The following FER variants were observed in gnomAD, a reference collection of about 807,000 sequenced individuals.
The protein encoded by FER is FER tyrosine kinase.
In FER, 63 loss-of-function variants were observed where a neutral mutation model predicts 111.0. The observed-to-expected ratio is 0.57, with a 90% CI of 0.46 to 0.70. The LOEUF (loss-of-function observed/expected upper bound fraction) is 0.70. Among genes scored for constraint, FER ranks in the 30% least tolerant of loss-of-function variants. FER has a pLI of 0.00. For missense variants in FER, 914 were observed against 954.0 expected (o/e 0.96, Z 0.55); for synonymous variants, 327 against 313.9 (o/e 1.04, Z -0.44).
rs77559358 is a variant in FER at position 108,950,815 on chromosome 5, T to C, written c.1330-3914T>C. Among the ~76,000 whole-genome samples, 5 of 152,266 alleles carry C rather than the reference T, an allele frequency of 3.3e-5. No homozygotes were observed. The East Asian group carries it at 9.7e-4, about 29-fold the overall frequency. ...TAAAATACACTTTCCTACCTATGAT[T>C]ACATTTCCCTTTCACTGCAAATAAT... On this transcript the variant is annotated intron_variant, in intron 11 of 19. Coordinates refer to ENST00000281092, the MANE Select transcript of FER (RefSeq NM_005246.4).
At chr5:109,013,685 C>T (rs1449766848) in intron 13 of FER, among the ~76,000 whole-genome samples, 2 of 151,980 alleles carry the variant, frequency 1.3e-5, no homozygotes, top group African/African-American at 2.4e-5. Context: ...AACTAGTTTA[C>T]AGTCCCACCA....
chr5:109,154,562 C>T lies in FER; in HGVS notation c.2049-26185C>T, dbSNP rs74378440. 3.9e-3 allele frequency among the ~76,000 whole-genome samples: 586 copies of T among 151,904 alleles called. 3 individuals are homozygous for T. Among genetic ancestry groups the T allele is most frequent in the African/African-American group, 0.013 (552 of 41,524 alleles). On this transcript the variant is annotated intron_variant, in intron 17 of 19. Transcript: ENST00000281092. ...AAGAAAAAACTCACATCTTATAGCC[C>T]TTAACTATTAACATTTAGATAAAGA...
At chr5:108,976,487 G>T (rs1761357778) in intron 13 of FER, among the ~76,000 whole-genome samples, 1 of 151,980 alleles carries the variant, frequency 6.6e-6, no homozygotes, top group East Asian at 1.9e-4. Context: ...TAGCCACCCT[G>T]TTAGAATGCA....
intron 9 of FER, among the ~76,000 whole-genome samples, chr5:108,893,989 C>T (rs62360826): frequency 1.3e-5 from 2 of 148,374 alleles, no homozygotes; most frequent in East Asian, 3.9e-4. Flanking sequence ...TTTTTTTCCC[C>T]TGCATCATAA....
intron 4 of FER, among the ~76,000 whole-genome samples, chr5:108,833,353 GTC>G (rs1441231574): frequency 6.6e-6 from 1 of 152,122 alleles, no homozygotes; most frequent in Non-Finnish European, 1.5e-5. Context: ...TTCGGAGTCT[GTC>G]TCTTCTGAAT....
chr5:109,097,490 C>T (rs572584668), intron 16 of FER, among the ~76,000 whole-genome samples: 1 of 151,980 alleles, frequency 6.6e-6, no homozygotes, highest in African/African-American at 2.4e-5. Context: ...TATCCATATG[C>T]ATATATACCT....
chr5:109,029,245 C>CTTTT (rs367692424), intron 13 of FER, among the ~76,000 whole-genome samples: 2 of 125,914 alleles, frequency 1.6e-5, no homozygotes, highest in African/African-American at 3.0e-5. Flanking sequence ...TTCTTCTTAC[C>CTTTT]TTTTTTTTTT....
At chr5:108,848,774 A>G (rs1762268940) in intron 5 of FER, among the ~76,000 whole-genome samples, 1 of 151,800 alleles carries the variant, frequency 6.6e-6, no homozygotes, top group Non-Finnish European at 1.5e-5. Context: ...TTCTTTATTT[A>G]TTTATCTATG....
intron 17 of FER, among the ~76,000 whole-genome samples, chr5:109,121,687 A>T (rs1271923513): frequency 1.3e-5 from 2 of 151,902 alleles, no homozygotes; most frequent in African/African-American, 2.4e-5. Flanking sequence ...TTTTTCTTTA[A>T]ATGTTTGGTA....
intron 13 of FER, among the ~76,000 whole-genome samples, chr5:109,025,587 C>G (rs964045326): frequency 1.1e-4 from 17 of 151,336 alleles, no homozygotes; most frequent in Non-Finnish European, 2.4e-4. Context: ...TTGACTTCCT[C>G]TTTTCCTAAT....
At chr5:109,009,388 C>G (rs1765945123) in intron 13 of FER, among the ~76,000 whole-genome samples, 1 of 151,984 alleles carries the variant, frequency 6.6e-6, no homozygotes, top group Non-Finnish European at 1.5e-5. Flanking sequence ...AACTTATAAG[C>G]ATAATATATC....
chr5:109,046,008 G>T (rs542242957), intron 15 of FER, among the ~76,000 whole-genome samples: 2 of 152,252 alleles, frequency 1.3e-5, no homozygotes, highest in South Asian at 4.1e-4. Flanking sequence ...GCAAACTCAA[G>T]AATTTTTGTT....
rs368340932 is a variant in FER, at chr5:108,948,231, A to C, written c.1329+2009A>C. On this transcript the variant is annotated intron_variant, in intron 11 of 19. Coordinates refer to ENST00000281092, the MANE Select transcript of FER (RefSeq NM_005246.4). ...TTTTAACAGTATCTTTAAAATGTAGAGCTCCCTTTAAAGACAGTCTAATGG... is the reference window on the plus strand; with the variant it reads ...TTTTAACAGTATCTTTAAAATGTAGCGCTCCCTTTAAAGACAGTCTAATGG... Among the ~76,000 whole-genome samples, 14 of 152,170 alleles carry C rather than the reference A, an allele frequency of 9.2e-5. No homozygotes were observed. In the East Asian group the frequency reaches 1.7e-3, roughly 19 times the overall value.
chr5:108,791,335 A>G (rs1324863412), intron 2 of FER, among the ~76,000 whole-genome samples: 3 of 149,994 alleles, frequency 2.0e-5, no homozygotes, highest in Non-Finnish European at 4.5e-5. Flanking sequence ...AGACATTCTA[A>G]TGGTGTGAAA....
chr5:108,988,737 T>C (rs1391178163), intron 13 of FER, among the ~76,000 whole-genome samples: 2 of 152,192 alleles, frequency 1.3e-5, no homozygotes, highest in Non-Finnish European at 2.9e-5. Context: ...AAGAACCAGC[T>C]TTTTGCTTCA....
At chr5:108,894,246 C>G (rs751195275) in intron 9 of FER, 6 of 357,268 alleles carry the variant, frequency 1.7e-5, no homozygotes, top group Non-Finnish European at 2.8e-5. Flanking sequence ...CATTAGTAAA[C>G]AAACAAACAA....
chr5:108,881,513 G>A (rs1765673433), intron 8 of FER, among the ~76,000 whole-genome samples: 1 of 152,134 alleles, frequency 6.6e-6, no homozygotes, highest in African/African-American at 2.4e-5. Flanking sequence ...TTCGAGATGA[G>A]ATTTGGGTGA....
At chr5:109,156,492 AAGG>A (rs969807714) in intron 17 of FER, among the ~76,000 whole-genome samples, 67 of 152,104 alleles carry the variant, frequency 4.4e-4, no homozygotes, top group African/African-American at 1.5e-3. Context: ...CCCTGGAACA[AAGG>A]AGGAATTTAG....
intron 11 of FER, among the ~76,000 whole-genome samples, chr5:108,954,227 C>A (rs947423377): frequency 2.6e-5 from 4 of 151,992 alleles, no homozygotes; most frequent in Non-Finnish European, 5.9e-5. Flanking sequence ...AAGATAAAGA[C>A]AGAAAGGCAC....
Sources: gnomAD v4.1 joint callset for allele counts (sites outside exome capture counted in the v4.1 genomes callset) on GRCh38, gnomAD v4.1.1 for gene constraint, MANE v1.5 for transcripts, NCBI Gene and HGNC (gene_info 2026-07-23, HGNC 2026-07-21) for gene names.